LAMP2: variants seen among roughly 807,000 people sequenced by gnomAD.
LAMP2 encodes the protein lysosome-associated membrane glycoprotein 2.
A neutral mutation model predicts 25.6 loss-of-function variants in LAMP2; 4 were observed. That is an observed-to-expected ratio of 0.16 (90% CI 0.08 to 0.36). The LOEUF (loss-of-function observed/expected upper bound fraction) is 0.36, where lower values mean the gene tolerates loss of function less well. LAMP2 is among the 10% of genes least tolerant of loss of function. LAMP2 has a pLI of 1.00. For missense variants in LAMP2, 272 were observed against 301.4 expected (o/e 0.90, Z 0.72); for synonymous variants, 108 against 112.7 (o/e 0.96, Z 0.27).
rs1452161976 is a variant in LAMP2, at chrX:120,426,880, T to C, written c.*4443A>G. 8.9e-6 allele frequency among the ~76,000 whole-genome samples: 1 copy of C among 112,611 alleles called. No homozygotes were observed. Among genetic ancestry groups the C allele is most frequent in the Non-Finnish European group, 1.9e-5 (1 of 53,263 alleles). On this transcript the variant is annotated 3_prime_UTR_variant, in exon 9 of 9. Coordinates refer to ENST00000200639, the MANE Select transcript of LAMP2 (RefSeq NM_002294.3). ...AGTGTGAATCTGTATGTCAGAGCTA[T>C]AGAGTTCTAGAGGAGTTGTAGTTGA...
chrX:120,462,582 T>G (rs1341554556), intron 1 of LAMP2, among the ~76,000 whole-genome samples: 1 of 108,645 alleles, frequency 9.2e-6, no homozygotes. Context: ...TGTATGACAC[T>G]GCAAAAAGTG....
chrX:120,431,384 A>T lies in LAMP2; in HGVS notation c.1172T>A (p.Leu391Gln). 1 of 1,210,885 alleles carries T rather than the reference A, an allele frequency of 8.3e-7. No homozygotes were observed. Among genetic ancestry groups the T allele is most frequent in the Non-Finnish European group, 1.1e-6 (1 of 894,485 alleles). Residue 391 changes from leucine (L) to glutamine (Q), a missense_variant, in exon 9 of 9, where the codon CTA (leucine) becomes CAA (glutamine). Coordinates refer to ENST00000200639, the MANE Select transcript of LAMP2 (RefSeq NM_002294.3). ...VGAALAGVLI[L>Q]VLLAYFIGLK... is the part of the protein sequence containing the mutation. The stretch of plus-strand genomic sequence containing the variant: ...ACCAATAAAATAAGCCAGCAACACT[A>T]GAATAAGTACTCCTGCCAAGGCAGC...
intron 8 of LAMP2, among the ~76,000 whole-genome samples, chrX:120,440,107 G>A (rs1602531263): frequency 8.9e-6 from 1 of 112,323 alleles, no homozygotes; most frequent in East Asian, 2.8e-4. Flanking sequence ...ATGTGTTGCT[G>A]TTTTCGTGCT....
chrX:120,436,405 C>T, intron 8 of LAMP2: 2 of 536,779 alleles, frequency 3.7e-6, no homozygotes, highest in Non-Finnish European at 4.5e-6. Context: ...TACTTCTAAA[C>T]ATTTCTAAAG....
intron 1 of LAMP2, among the ~76,000 whole-genome samples, chrX:120,460,168 G>A (rs760380086): frequency 7.3e-5 from 8 of 110,170 alleles, no homozygotes; most frequent in Non-Finnish European, 1.5e-4. Context: ...AGCTACTTGG[G>A]AGGCTGAGGC....
At chrX:120,455,020 T>A (rs1241665168) in intron 3 of LAMP2, among the ~76,000 whole-genome samples, 2 of 102,340 alleles carry the variant, frequency 2.0e-5, no homozygotes, top group African/African-American at 7.1e-5. Flanking sequence ...CTAGGATATA[T>A]GTGTATATAT....
intron 1 of LAMP2, among the ~76,000 whole-genome samples, chrX:120,466,770 T>C (rs776854063): frequency 5.4e-5 from 6 of 110,687 alleles, no homozygotes; most frequent in African/African-American, 2.0e-4. Context: ...ACATGTTACG[T>C]AGCCACTGGA....
chrX:120,434,645 C>A (rs181073514), intron 8 of LAMP2, among the ~76,000 whole-genome samples: 79 of 111,475 alleles, frequency 7.1e-4, no homozygotes, highest in Middle Eastern at 4.7e-3. Context: ...GCCACAGAAG[C>A]AATAAAGATT....
chrX:120,469,001 A>G, intron 1 of LAMP2, 105 bp downstream of exon 1: 1 of 916,366 alleles, frequency 1.1e-6, no homozygotes, highest in African/African-American at 1.9e-5. Flanking sequence ...TTAGCTGCTG[A>G]GCCTCTCAAC....
intron 8 of LAMP2, chrX:120,437,571 T>C: frequency 2.7e-6 from 2 of 753,154 alleles, no homozygotes; most frequent in Non-Finnish European, 1.6e-6. Flanking sequence ...CAAGCTGATG[T>C]ATTTTGCTTT....
chrX:120,463,403 AC>A (rs1921400088), intron 1 of LAMP2, among the ~76,000 whole-genome samples: 1 of 112,074 alleles, frequency 8.9e-6, no homozygotes. Flanking sequence ...ATTCAACACT[AC>A]TCAACTAATG....
At chrX:120,455,133 A>G (rs1207525692) in intron 3 of LAMP2, among the ~76,000 whole-genome samples, 1 of 105,826 alleles carries the variant, frequency 9.4e-6, no homozygotes, top group Non-Finnish European at 1.9e-5. Flanking sequence ...ATACTAGGAT[A>G]ATACCTGGTA....
At chrX:120,433,440 G>T (rs1401840961) in intron 8 of LAMP2, among the ~76,000 whole-genome samples, 1 of 111,678 alleles carries the variant, frequency 9.0e-6, no homozygotes, top group Non-Finnish European at 1.9e-5. Flanking sequence ...TAGGATGAGG[G>T]AAACAGCCAT....
At chrX:120,434,152 C>T (rs534734979) in intron 8 of LAMP2, among the ~76,000 whole-genome samples, 2 of 111,820 alleles carry the variant, frequency 1.8e-5, no homozygotes, top group Non-Finnish European at 3.8e-5. Flanking sequence ...AGTATTATGC[C>T]GTGGGTTTAA....
chrX:120,440,262 T>C (rs2058566142), intron 8 of LAMP2, among the ~76,000 whole-genome samples: 1 of 111,729 alleles, frequency 9.0e-6, no homozygotes, highest in Admixed American at 9.5e-5. Context: ...TGGGACCTCT[T>C]ACTAATTTGA....
intron 1 of LAMP2, among the ~76,000 whole-genome samples, chrX:120,459,951 T>C (rs1202563884): frequency 8.9e-6 from 1 of 112,193 alleles, no homozygotes; most frequent in Non-Finnish European, 1.9e-5. Context: ...ATACTGTGTT[T>C]TGAAAATAAA....
chrX:120,444,818 C>T (rs887660818), intron 6 of LAMP2, among the ~76,000 whole-genome samples: 16 of 111,863 alleles, frequency 1.4e-4, no homozygotes, highest in African/African-American at 4.6e-4. Flanking sequence ...CTGCACATAA[C>T]GCACTCGAAT....
chrX:120,454,094 G>A (rs1263739269), intron 3 of LAMP2, among the ~76,000 whole-genome samples: 1 of 110,912 alleles, frequency 9.0e-6, no homozygotes, highest in African/African-American at 3.3e-5. Context: ...ACGCCATTCT[G>A]AGTAGCATGA....
rs1157951288 is a variant in LAMP2, at chrX:120,442,228, C to CAA, written c.929-336_929-335dup. On this transcript the variant is annotated intron_variant, in intron 7 of 8. Coordinates refer to ENST00000200639, the MANE Select transcript of LAMP2 (RefSeq NM_002294.3). ...CTGGGCATAGAGCGAGACCCTGTCT[C>CAA]AAAAAAAAAAAAAAAAAAAAAAAGG... Among the ~76,000 whole-genome samples the CAA allele has an allele frequency of 3.8e-3, 111 of 29,124 alleles. 2 individuals carry two copies. The highest frequency in any genetic ancestry group is 9.5e-3 in the African/African-American group (75 of 7,858). The allele number at this position is 29,124 out of a possible 115,157, so 25.3% of individuals were successfully genotyped here.
Sources: gnomAD v4.1 joint callset for allele counts (sites outside exome capture counted in the v4.1 genomes callset) on GRCh38, gnomAD v4.1.1 for gene constraint, MANE v1.5 for transcripts, NCBI Gene and HGNC (gene_info 2026-07-23, HGNC 2026-07-21) for gene names.